The following TSGA10 variants were observed in gnomAD, a reference collection of about 807,000 sequenced individuals.
TSGA10 encodes testis-specific gene 10 protein.
TSGA10 carries 43 observed loss-of-function variants against 96.6 expected under a neutral mutation model. The observed-to-expected ratio is 0.44, with a 90% CI of 0.35 to 0.57. The LOEUF (loss-of-function observed/expected upper bound fraction) is 0.57, where lower values mean the gene tolerates loss of function less well. Among genes scored for constraint, TSGA10 ranks in the 20% least tolerant of loss-of-function variants. TSGA10 has a pLI of 0.01. For synonymous variants in TSGA10, 229 were observed against 269.9 expected, an observed-to-expected ratio of 0.85 and a Z score of 1.48; for missense variants, 703 against 834.4, an observed-to-expected ratio of 0.84 and a Z score of 1.94.
Position 99,071,585 on chromosome 2 carries a change from A to T in TSGA10, c.1107+121T>A, listed in dbSNP as rs9941557. The T allele has an allele frequency of 5.8e-3, 4,957 of 858,946 alleles. 133 individuals are homozygous for T. In the African/African-American group the frequency reaches 0.065, roughly 11 times the overall value. 53.2% of individuals were successfully genotyped at this position (858,946 alleles called of 1,614,324 possible). On this transcript the variant is annotated intron_variant, in intron 14 of 20. Transcript: ENST00000393483. ...TATGTGGCCTATTTTGTTATTTTTT[A>T]AAAAAAAGAAAAGGCTAGTTCCAGT...
Position 99,081,302 on chromosome 2 carries a change from A to T in TSGA10, c.707T>A (p.Met236Lys), listed in dbSNP as rs1242517315. 1 of 1,567,958 alleles carries T rather than the reference A, an allele frequency of 6.4e-7. No individual in the cohort carries two copies. The highest frequency in any genetic ancestry group is 1.4e-5 in the African/African-American group (1 of 73,162). Residue 236 changes from methionine (M) to lysine (K), a missense_variant, in exon 11 of 21, where the codon ATG becomes AAG. By Grantham distance (95) the Met-to-Lys change is moderately conservative. Transcript: ENST00000393483. ...YELQLTQEKI[M>K]CLDEKIDNFT... ...CTCACCAATTTTTTCATCCAAGCAC[A>T]TAATTTTCTCCTGAGTAAGCTGTAG...
At chr2:99,012,389 G>C (rs1242724250) in intron 20 of TSGA10, among the ~76,000 whole-genome samples, 4 of 152,066 alleles carry the variant, frequency 2.6e-5, no homozygotes, top group African/African-American at 9.7e-5. Context: ...GATACGGAAT[G>C]GCAGAATGGA....
At chr2:99,027,758 A>G (rs2080761149) in intron 17 of TSGA10, among the ~76,000 whole-genome samples, 1 of 152,178 alleles carries the variant, frequency 6.6e-6, no homozygotes, top group Non-Finnish European at 1.5e-5. Flanking sequence ...GACTAATAAT[A>G]AGGAAATAAT....
intron 10 of TSGA10, among the ~76,000 whole-genome samples, chr2:99,100,759 G>A (rs557828183): frequency 6.9e-6 from 1 of 145,298 alleles, no homozygotes; most frequent in South Asian, 2.2e-4. Flanking sequence ...GGCAGAGCTT[G>A]CAGTGAGCCG....
intron 1 of TSGA10, among the ~76,000 whole-genome samples, chr2:99,151,862 T>C (rs954732057): frequency 6.6e-6 from 1 of 152,198 alleles, no homozygotes; most frequent in African/African-American, 2.4e-5. Context: ...TATGAAAATA[T>C]CTGGTAGTTG....
chr2:99,130,637 T>C (rs1209493524), intron 1 of TSGA10, among the ~76,000 whole-genome samples: 1 of 152,226 alleles, frequency 6.6e-6, no homozygotes. Flanking sequence ...ATTAGATCCA[T>C]TTGTCAATTT....
chr2:99,128,552 T>C lies in TSGA10; in HGVS notation c.-620-1376A>G, dbSNP rs558459643. ...CTTATTTACAGGCTGAGATTTGACA[T>C]TTCTATAAAGCTGCTTGGAGATCCC... is the stretch of plus-strand genomic sequence containing the variant. On this transcript the variant is annotated intron_variant, in intron 1 of 20. Transcript: ENST00000393483. Among the ~76,000 whole-genome samples the C allele has an allele frequency of 6.6e-5, 10 of 152,346 alleles. No individual in the cohort carries two copies. In the East Asian group the frequency reaches 1.2e-3, roughly 18 times the overall value.
At chr2:99,093,183 C>T (rs906198909) in intron 10 of TSGA10, among the ~76,000 whole-genome samples, 3 of 152,054 alleles carry the variant, frequency 2.0e-5, no homozygotes, top group Admixed American at 6.6e-5. Context: ...GGAGAAAAGG[C>T]ATCTGACAAA....
intron 7 of TSGA10, among the ~76,000 whole-genome samples, chr2:99,106,943 C>G (rs2104825947): frequency 6.6e-6 from 1 of 152,250 alleles, no homozygotes; most frequent in African/African-American, 2.4e-5. Flanking sequence ...AGATGACTTC[C>G]AAAGCTAACT....
chr2:99,023,025 G>T (rs1334012483), intron 17 of TSGA10, among the ~76,000 whole-genome samples: 1 of 152,062 alleles, frequency 6.6e-6, no homozygotes, highest in African/African-American at 2.4e-5. Context: ...GGGTTATTAA[G>T]TTTTTTGTTT....
chr2:99,011,035 C>A (rs956715778), intron 20 of TSGA10, among the ~76,000 whole-genome samples: 1 of 152,174 alleles, frequency 6.6e-6, no homozygotes, highest in Admixed American at 6.5e-5. Flanking sequence ...GAACCATACC[C>A]CCATCCCCCA....
intron 15 of TSGA10, among the ~76,000 whole-genome samples, chr2:99,067,551 C>G (rs1053715611): frequency 2.6e-5 from 4 of 152,272 alleles, no homozygotes; most frequent in Admixed American, 2.6e-4. Context: ...TGAAAGCTTA[C>G]TATGTTAAAT....
chr2:99,025,111 T>A (rs2080443084), intron 17 of TSGA10, among the ~76,000 whole-genome samples: 3 of 152,168 alleles, frequency 2.0e-5, no homozygotes, highest in Admixed American at 2.0e-4. Context: ...CTGTGAGGTG[T>A]TTGTCTGGCT....
rs759040119 is a variant in TSGA10 at position 99,073,044 on chromosome 2, G to T, written c.912C>A (p.Ile304=). 3.2e-5 allele frequency: 51 copies of T among 1,607,870 alleles called. 1 individual carries two copies. In the Admixed American group the frequency reaches 5.5e-4, roughly 17 times the overall value. ...KEKTISGMKN[I]IAEMEQASRQ... Reference sequence around the variant, plus strand: ...TTGATGCCTGTTCCATCTCAGCAATGATATTCTTCATGCCTGAAATGGTCT... The same window carrying T: ...TTGATGCCTGTTCCATCTCAGCAATTATATTCTTCATGCCTGAAATGGTCT... Residue 304 remains isoleucine, a synonymous_variant, in exon 13 of 21, where the codon ATC becomes ATA. Coordinates refer to ENST00000393483, the MANE Select transcript of TSGA10 (RefSeq NM_025244.4).
At chr2:99,044,848 ATCAAAT>A (rs1253776492) in intron 16 of TSGA10, among the ~76,000 whole-genome samples, 3 of 152,228 alleles carry the variant, frequency 2.0e-5, no homozygotes, top group Non-Finnish European at 4.4e-5. Flanking sequence ...CCACAGTGCA[ATCAAAT>A]TAGAACTCAG....
chr2:99,068,506 T>C (rs755853442), intron 15 of TSGA10, among the ~76,000 whole-genome samples: 3 of 152,226 alleles, frequency 2.0e-5, no homozygotes, highest in South Asian at 2.1e-4. Context: ...CTAAAAAAAA[T>C]AGATGGTCCC....
chr2:99,026,909 G>A (rs1321585503), intron 17 of TSGA10, among the ~76,000 whole-genome samples: 1 of 152,196 alleles, frequency 6.6e-6, no homozygotes, highest in Non-Finnish European at 1.5e-5. Flanking sequence ...ATTTTTCCAT[G>A]GACAGCAGTC....
At chr2:99,102,438 C>G in intron 10 of TSGA10, 2 of 1,613,892 alleles carry the variant, frequency 1.2e-6, no homozygotes, top group Non-Finnish European at 1.7e-6. Context: ...AGAAATGCAA[C>G]AGCTTTCAGG....
At chr2:99,025,140 T>C (rs752143682) in intron 17 of TSGA10, among the ~76,000 whole-genome samples, 8 of 152,214 alleles carry the variant, frequency 5.3e-5, no homozygotes, top group Non-Finnish European at 1.0e-4. Context: ...AGGGCAATAA[T>C]GGCTTCATAG....
Sources: gnomAD v4.1 joint callset for allele counts (sites outside exome capture counted in the v4.1 genomes callset) on GRCh38, gnomAD v4.1.1 for gene constraint, MANE v1.5 for transcripts, NCBI Gene and HGNC (gene_info 2026-07-23, HGNC 2026-07-21) for gene names.